Variants in PRSS12 observed in about 807,000 individuals in gnomAD.
PRSS12 encodes the protein serine protease 12, also known as neurotrypsin.
PRSS12 carries 85 observed loss-of-function variants against 104.4 expected under a neutral mutation model. The observed-to-expected ratio is 0.81, with a 90% CI of 0.68 to 0.98. PRSS12 has a LOEUF of 0.98. Ranked by LOEUF, PRSS12 falls within the 50% of genes least tolerant of loss-of-function variation. PRSS12 has a pLI of 0.00. For synonymous variants in PRSS12, 454 were observed against 425.2 expected (o/e 1.07, Z -0.83); for missense variants, 1,141 against 1,139.2 (o/e 1.00, Z -0.02).
At chr4:118,317,573 A>G (rs1229593051) in intron 5 of PRSS12, among the ~76,000 whole-genome samples, 2 of 152,188 alleles carry the variant, frequency 1.3e-5, no homozygotes, top group African/African-American at 4.8e-5. Context: ...AGTTCAAGAA[A>G]ATGAAGTGCT....
In PRSS12 at chr4:118,338,202, T is replaced by C. The variant is rs1724108662; in HGVS notation, c.615A>G (p.Ser205=). 6.2e-7 allele frequency: 1 copy of C among 1,614,028 alleles called. No homozygotes were observed. Among genetic ancestry groups the C allele is most frequent in the Non-Finnish European group, 8.5e-7 (1 of 1,179,956 alleles). Residue 205 remains serine (S), a synonymous_variant, in exon 2 of 13, where the codon TCA becomes TCG. Transcript: ENST00000296498. ...CSSHWDDSDA[S]VICHQLQLGG... Reference sequence around the variant, plus strand: ...CCAGCTGCAGCTGGTGACAAATGACTGATGCATCAGAATCATCCCAGTGGC... The same window carrying C: ...CCAGCTGCAGCTGGTGACAAATGACCGATGCATCAGAATCATCCCAGTGGC...
chr4:118,295,438 A>C (rs1306639645), intron 10 of PRSS12, among the ~76,000 whole-genome samples: 2 of 152,218 alleles, frequency 1.3e-5, no homozygotes, highest in Admixed American at 6.5e-5. Context: ...CAAACAAAAA[A>C]CTTAGATTAA....
At chr4:118,342,609 T>C (rs1056993985) in intron 1 of PRSS12, among the ~76,000 whole-genome samples, 2 of 152,120 alleles carry the variant, frequency 1.3e-5, no homozygotes, top group Non-Finnish European at 2.9e-5. Context: ...CAGACCAAAC[T>C]AGTAAAGGAA....
chr4:118,352,523 C>G lies in PRSS12; in HGVS notation c.198G>C (p.Pro66=), dbSNP rs1293647162. ...TRPPPPLPRF[P]RPPRALPAQR... is the part of the protein sequence containing the mutation. ...GGGCAGGGAGCGCCCGCGGGGGGCG[C>G]GGGAAGCGCGGGAGAGGCGGCGGCG... The change falls in exon 1 of 13, where the codon CCG becomes CCC. Residue 66 remains proline, a synonymous_variant. Transcript: ENST00000296498. 2.7e-6 allele frequency: 4 copies of G among 1,466,990 alleles called. No individual in the cohort carries two copies. The East Asian group carries it at 8.6e-5, about 32-fold the overall frequency. 90.9% of individuals were successfully genotyped at this position (1,466,990 alleles called of 1,614,324 possible). A position where few individuals can be genotyped will look rare whatever the true frequency, so the allele number is the denominator to read the frequency against.
chr4:118,345,615 T>C (rs1578942873), intron 1 of PRSS12, among the ~76,000 whole-genome samples: 1 of 152,292 alleles, frequency 6.6e-6, no homozygotes, highest in East Asian at 1.9e-4. Flanking sequence ...TCTCATCAAT[T>C]ATGGAATTAT....
chr4:118,282,888 T>C lies in PRSS12; in HGVS notation c.2263A>G (p.Arg755Gly). 2 of 1,614,194 alleles carry C rather than the reference T, an allele frequency of 1.2e-6. No individual in the cohort carries two copies. Among genetic ancestry groups the C allele is most frequent in the Middle Eastern group, 1.6e-4 (1 of 6,062 alleles). Residue 755 changes from arginine to glycine, a missense_variant, in exon 12 of 13, where the codon AGA (arginine) becomes GGA (glycine). Physicochemically the swap from Arg to Gly is moderately radical, Grantham distance 125. Transcript: ENST00000296498. ...GATGCTGTTTTCTGTGGCCTCTCTCTCCAGAGTGGTAAACAGGCTGGCAAA... is the reference window on the plus strand; with the variant it reads ...GATGCTGTTTTCTGTGGCCTCTCTCCCCAGAGTGGTAAACAGGCTGGCAAA... ...HVLPACLPLW[R>G]ERPQKTASNC...
rs150738387 is a variant in PRSS12, at chr4:118,293,999, A to G, written c.2039+940T>C. On this transcript the variant is annotated intron_variant, in intron 11 of 12. Coordinates refer to ENST00000296498, the MANE Select transcript of PRSS12 (RefSeq NM_003619.4). ...ATAAATAAACTGGTTCAGTCTTTCAATAGCAGTTAAAATTCATGGAGCAGT... is the reference window on the plus strand; with the variant it reads ...ATAAATAAACTGGTTCAGTCTTTCAGTAGCAGTTAAAATTCATGGAGCAGT... Among the ~76,000 whole-genome samples the G allele has an allele frequency of 6.1e-3, 934 of 152,352 alleles. 6 individuals carry two copies. Among genetic ancestry groups the G allele is most frequent in the South Asian group, 0.011 (52 of 4,830 alleles).
intron 6 of PRSS12, among the ~76,000 whole-genome samples, chr4:118,314,005 AG>A (rs1486028605): frequency 6.6e-6 from 1 of 152,210 alleles, no homozygotes; most frequent in Non-Finnish European, 1.5e-5. Context: ...ACTGCACTAC[AG>A]AAACAAAACC....
intron 3 of PRSS12, among the ~76,000 whole-genome samples, chr4:118,335,215 G>A (rs1289609878): frequency 6.6e-6 from 1 of 151,568 alleles, no homozygotes; most frequent in Non-Finnish European, 1.5e-5. Flanking sequence ...ATAACCTATA[G>A]AATATACATA....
At chr4:118,347,551 G>C (rs544541993) in intron 1 of PRSS12, among the ~76,000 whole-genome samples, 2 of 152,240 alleles carry the variant, frequency 1.3e-5, no homozygotes, top group East Asian at 1.9e-4. Context: ...ACCTATGGTT[G>C]GCTTGTAAAA....
rs74318503 is a variant in PRSS12, at chr4:118,325,831, T to G, written c.971+5885A>C. Among the ~76,000 whole-genome samples the G allele has an allele frequency of 7.2e-3, 1,086 of 150,580 alleles. 30 individuals carry two copies. In the East Asian group the frequency reaches 0.099, roughly 14 times the overall value. Reference sequence around the variant, plus strand: ...TAGTTTTTTACCCTCTGATAATCTGTAAATAAATTTTTGGGCAGAGATACT... The same window carrying G: ...TAGTTTTTTACCCTCTGATAATCTGGAAATAAATTTTTGGGCAGAGATACT... On this transcript the variant is annotated intron_variant, in intron 4 of 12. Coordinates refer to ENST00000296498, the MANE Select transcript of PRSS12 (RefSeq NM_003619.4).
intron 1 of PRSS12, among the ~76,000 whole-genome samples, chr4:118,350,007 AT>A (rs1316878984): frequency 6.6e-6 from 1 of 152,212 alleles, no homozygotes; most frequent in African/African-American, 2.4e-5. Context: ...TTGTCAAAAA[AT>A]AAATAAATAA....
intron 10 of PRSS12, 150 bp downstream of exon 10, chr4:118,295,628 G>A (rs2126028306): frequency 1.3e-6 from 1 of 768,458 alleles, no homozygotes; most frequent in South Asian, 1.6e-5. Context: ...ATAGGTCAAA[G>A]GACAGTGAAA....
At position 118,352,291 on chromosome 4, in the gene PRSS12, C is replaced by G. The variant is rs927652630; in HGVS notation, c.430G>C (p.Ala144Pro). The change falls in exon 1 of 13, where the codon GCG (alanine) becomes CCG (proline). Residue 144 changes from alanine (A) to proline (P), a missense_variant. Physicochemically the swap from Ala to Pro is conservative, Grantham distance 27. Transcript: ENST00000296498. ...RHNFCRSPDG[A>P]GRPWCFYGDA... Reference sequence around the variant, plus strand: ...CCGTAGAAACACCAGGGTCTGCCCGCGCCGTCGGGGCTCCGACAAAAGTTG... The same window carrying G: ...CCGTAGAAACACCAGGGTCTGCCCGGGCCGTCGGGGCTCCGACAAAAGTTG... The G allele has an allele frequency of 6.2e-7, 1 of 1,606,380 alleles. No individual in the cohort carries two copies. Among genetic ancestry groups the G allele is most frequent in the Admixed American group, 1.7e-5 (1 of 59,242 alleles).
intron 6 of PRSS12, among the ~76,000 whole-genome samples, chr4:118,314,396 G>A (rs1248332029): frequency 1.3e-5 from 2 of 151,800 alleles, no homozygotes; most frequent in Non-Finnish European, 2.9e-5. Context: ...TCATTCTATG[G>A]CTTCTCTTCC....
chr4:118,342,049 T>C (rs1341286192), intron 1 of PRSS12, among the ~76,000 whole-genome samples: 2 of 152,182 alleles, frequency 1.3e-5, no homozygotes, highest in Non-Finnish European at 2.9e-5. Context: ...GGCTTTCTGG[T>C]GCTCCTATAG....
intron 1 of PRSS12, among the ~76,000 whole-genome samples, chr4:118,346,800 T>C (rs943555399): frequency 3.8e-4 from 58 of 152,184 alleles, no homozygotes; most frequent in Non-Finnish European, 8.2e-4. Context: ...CATTGCGAAC[T>C]GTGCATGCAA....
intron 1 of PRSS12, among the ~76,000 whole-genome samples, chr4:118,349,745 G>T (rs1191576814): frequency 1.3e-5 from 2 of 152,190 alleles, no homozygotes; most frequent in East Asian, 3.9e-4. Flanking sequence ...GCTCACACCT[G>T]TAATCCCAGC....
Position 118,280,779 on chromosome 4 carries a change from T to C in PRSS12, c.*1157A>G, listed in dbSNP as rs1213119952. On this transcript the variant is annotated 3_prime_UTR_variant, in exon 13 of 13. Coordinates refer to ENST00000296498, the MANE Select transcript of PRSS12 (RefSeq NM_003619.4). The stretch of plus-strand genomic sequence containing the variant: ...GCCATAGGGAAACCAATCATTTAGG[T>C]AGGAGAACCATGGGGAAAAAAATCA... 1.3e-5 allele frequency: 2 copies of C among 152,202 alleles called. No individual in the cohort carries two copies. Among genetic ancestry groups the C allele is most frequent in the Non-Finnish European group, 2.9e-5 (2 of 68,026 alleles). 9.4% of individuals were successfully genotyped at this position (152,202 alleles called of 1,614,324 possible).
Sources: allele counts gnomAD v4.1 joint callset (sites outside exome capture counted in the v4.1 genomes callset), GRCh38; gene constraint gnomAD v4.1.1; transcripts MANE v1.5; gene names NCBI Gene and HGNC (gene_info 2026-07-23, HGNC 2026-07-21).